BRCA2: variants seen among roughly 807,000 people sequenced by gnomAD.
BRCA2 encodes the protein BRCA2 DNA repair associated.
A neutral mutation model predicts 276.7 loss-of-function variants in BRCA2; 203 were observed. That is an observed-to-expected ratio of 0.73 (90% CI 0.65 to 0.82). The LOEUF (loss-of-function observed/expected upper bound fraction) is 0.82. BRCA2 is among the 40% of genes least tolerant of loss of function. The pLI is 0.00. For missense variants in BRCA2, 3,920 were observed against 3,915.0 expected, an observed-to-expected ratio of 1.00 and a Z score of -0.03; for synonymous variants, 1,289 against 1,338.4, an observed-to-expected ratio of 0.96 and a Z score of 0.81.
intron 20 of BRCA2, among the ~76,000 whole-genome samples, chr13:32,375,903 C>T (rs11571757): frequency 4.6e-3 from 707 of 152,210 alleles, no homozygotes; most frequent in Non-Finnish European, 8.0e-3. Context: ...TGAAATGACT[C>T]CATGATCCAT....
At position 32,326,074 on chromosome 13, in the gene BRCA2, T is replaced by G. The variant is rs1555280939; in HGVS notation, c.426-27T>G. On this transcript the variant is annotated intron_variant, in intron 4 of 26. Coordinates refer to ENST00000380152, the MANE Select transcript of BRCA2 (RefSeq NM_000059.4). Reference sequence around the variant, plus strand: ...TTTTTGCCAGTTTTTTAAAATAACCTAAGGGATTTGCTTTGTTTTATTTTA... The same window carrying G: ...TTTTTGCCAGTTTTTTAAAATAACCGAAGGGATTTGCTTTGTTTTATTTTA... The G allele has an allele frequency of 5.0e-6, 8 of 1,593,260 alleles. No individual in the cohort carries two copies. The South Asian group carries it at 7.9e-5, about 16-fold the overall frequency.
At chr13:32,321,744 T>C (rs1026841810) in intron 3 of BRCA2, among the ~76,000 whole-genome samples, 3 of 152,204 alleles carry the variant, frequency 2.0e-5, no homozygotes, top group Non-Finnish European at 4.4e-5. Context: ...AGTTCTAACA[T>C]GTAATATTTT....
At chr13:32,370,610 ATTTGTTTG>A in intron 19 of BRCA2, 53 bp downstream of exon 19, 1 of 1,569,876 alleles carries the variant, frequency 6.4e-7, no homozygotes, top group Non-Finnish European at 8.8e-7. Flanking sequence ...GATACAATTA[ATTTGTTTG>A]TTTGTTTGAG....
intron 24 of BRCA2, among the ~76,000 whole-genome samples, chr13:32,384,003 A>G (rs2072942514): frequency 6.6e-6 from 1 of 152,236 alleles, no homozygotes; most frequent in Non-Finnish European, 1.5e-5. Context: ...ATTTCCAGGA[A>G]ACATGACCAT....
At chr13:32,384,445 GA>G (rs1447436371) in intron 24 of BRCA2, among the ~76,000 whole-genome samples, 1 of 152,220 alleles carries the variant, frequency 6.6e-6, no homozygotes, top group Non-Finnish European at 1.5e-5. Context: ...TGGCATGACT[GA>G]GAGCCTGTGC....
At position 32,354,016 on chromosome 13, in the gene BRCA2, A is replaced by G. The variant is rs185137349; in HGVS notation, c.7008-845A>G. ...TGGAAATGACTCACATTAGCAAGGG[A>G]AAGTGTCTAAGGAAGACATCCAGTT... On this transcript the variant is annotated intron_variant, in intron 13 of 26. Transcript: ENST00000380152. Among the ~76,000 whole-genome samples, 397 of 152,344 alleles carry G rather than the reference A, an allele frequency of 2.6e-3. 3 individuals carry two copies. Among genetic ancestry groups the G allele is most frequent in the African/African-American group, 9.2e-3 (383 of 41,576 alleles).
Position 32,331,431 on chromosome 13 carries a change from G to T in BRCA2, c.793+401G>T, listed in dbSNP as rs74865284. On this transcript the variant is annotated intron_variant, in intron 9 of 26. Transcript: ENST00000380152. ...AAGTATTGAGAGTAGAAACTAACTT[G>T]GTGTGCCTGTGATCCCAGCTACTCA... Among the ~76,000 whole-genome samples the T allele has an allele frequency of 7.2e-3, 1,095 of 152,214 alleles. 16 individuals carry two copies. Among genetic ancestry groups the T allele is most frequent in the African/African-American group, 0.025 (1,041 of 41,546 alleles).
At chr13:32,329,527 T>C (rs753781786) in intron 8 of BRCA2, 35 bp downstream of exon 8, 1 of 1,502,518 alleles carries the variant, frequency 6.7e-7, no homozygotes, top group South Asian at 1.2e-5. Flanking sequence ...ACTGTTGAAA[T>C]TGCTAACAAT....
chr13:32,348,857 A>G (rs1207424325), intron 13 of BRCA2, among the ~76,000 whole-genome samples: 2 of 152,218 alleles, frequency 1.3e-5, no homozygotes, highest in Non-Finnish European at 2.9e-5. Flanking sequence ...AGACTTTGGA[A>G]GAGTTTGCCT....
rs2072697978 is a variant in BRCA2 at position 32,356,541 on chromosome 13, A to G, written c.7549A>G (p.Thr2517Ala). 6.2e-7 allele frequency: 1 copy of G among 1,614,074 alleles called. No homozygotes were observed. The highest frequency in any genetic ancestry group is 2.2e-5 in the East Asian group (1 of 44,874). ...CAGTCTGTATCTTGCAAAAACATCCACTCTGCCTCGAATCTCTCTGAAAGC... is the reference window on the plus strand; with the variant it reads ...CAGTCTGTATCTTGCAAAAACATCCGCTCTGCCTCGAATCTCTCTGAAAGC... ...PGSLYLAKTS[T>A]LPRISLKAAV... is the part of the protein sequence containing the mutation. The change falls in exon 15 of 27, where the codon ACT (threonine) becomes GCT (alanine). Residue 2517 changes from threonine (T) to alanine (A), a missense_variant. Thr to Ala is a moderately conservative substitution (Grantham distance 58). This residue lies in a region of BRCA2 where 3,263 missense variants were observed against 3,156.9 expected (regional missense o/e 1.03). Coordinates refer to ENST00000380152, the MANE Select transcript of BRCA2 (RefSeq NM_000059.4).
intron 3 of BRCA2, among the ~76,000 whole-genome samples, chr13:32,321,177 G>T (rs776216942): frequency 6.6e-6 from 1 of 152,194 alleles, no homozygotes; most frequent in Admixed American, 6.5e-5. Flanking sequence ...CAAAGCATAT[G>T]CAGAACACAG....
In BRCA2 at chr13:32,337,840, C is replaced by G. The variant is rs587778122; in HGVS notation, c.3485C>G (p.Ala1162Gly). Residue 1162 changes from alanine (A) to glycine (G), a missense_variant, in exon 11 of 27, where the codon GCT becomes GGT. Ala to Gly is a moderately conservative substitution (Grantham distance 60, BLOSUM62 0). Around this residue, in one of 2 missense-constraint regions of BRCA2, gnomAD observed 3,263 missense variants for 3,156.9 expected, o/e 1.03. Transcript: ENST00000380152. ...LKTTSEECRDADLHVIMNAPS... is the reference protein window; with the variant it reads ...LKTTSEECRDGDLHVIMNAPS... ...ACCACTTCTGAGGAATGCAGAGATG[C>G]TGATCTTCATGTCATAATGAATGCC... 6.2e-7 allele frequency: 1 copy of G among 1,614,050 alleles called. No homozygotes were observed. The highest frequency in any genetic ancestry group is 1.1e-5 in the South Asian group (1 of 91,082).
At chr13:32,385,503 C>T (rs932420170) in intron 24 of BRCA2, 1 of 222,474 alleles carries the variant, frequency 4.5e-6, no homozygotes, top group South Asian at 8.4e-5. Context: ...TAAAAACCTC[C>T]TTGCAGGCAA....
rs747903575 is a variant in BRCA2 at position 32,362,710 on chromosome 13, A to G, written c.7976+17A>G. ...AAAATACAGGCAAGTTTAAAGCATT[A>G]CATTACGTAATCATATACGGCAGTA... is the stretch of plus-strand genomic sequence containing the variant. On this transcript the variant is annotated intron_variant, in intron 17 of 26. Transcript: ENST00000380152. 2.5e-6 allele frequency: 4 copies of G among 1,613,506 alleles called. No individual in the cohort carries two copies. The South Asian group carries it at 4.4e-5, about 18-fold the overall frequency.
chr13:32,369,937 G>A (rs1165087278), intron 18 of BRCA2, among the ~76,000 whole-genome samples: 2 of 152,176 alleles, frequency 1.3e-5, no homozygotes, highest in African/African-American at 4.8e-5. Context: ...GTAAGTGTTC[G>A]ATGAATATTT....
At position 32,336,538 on chromosome 13, in the gene BRCA2, A is replaced by C. The variant is rs757577670; in HGVS notation, c.2183A>C (p.Asp728Ala). 6.2e-7 allele frequency: 1 copy of C among 1,614,112 alleles called. No homozygotes were observed. The highest frequency in any genetic ancestry group is 8.5e-7 in the Non-Finnish European group (1 of 1,180,006). Reference protein sequence around the residue: ...ENDPKSKKVSDIKEEVLAAAC... With the variant: ...ENDPKSKKVSAIKEEVLAAAC... ...GATCCAAAAAGCAAAAAAGTTTCAGATATAAAAGAAGAGGTCTTGGCTGCA... is the reference window on the plus strand; with the variant it reads ...GATCCAAAAAGCAAAAAAGTTTCAGCTATAAAAGAAGAGGTCTTGGCTGCA... Residue 728 changes from aspartate to alanine, a missense_variant, in exon 11 of 27, where the codon GAT becomes GCT. Asp to Ala is a moderately radical substitution (Grantham distance 126). Coordinates refer to ENST00000380152, the MANE Select transcript of BRCA2 (RefSeq NM_000059.4).
intron 19 of BRCA2, 42 bp from the exon 20 acceptor site, chr13:32,370,914 T>TA (rs1186166867): frequency 6.2e-7 from 1 of 1,612,224 alleles, no homozygotes; most frequent in Non-Finnish European, 8.5e-7. Flanking sequence ...ACTTGAATGT[T>TA]ATATATGTGA....
chr13:32,347,642 A>G (rs1450827134), intron 13 of BRCA2, among the ~76,000 whole-genome samples: 3 of 152,178 alleles, frequency 2.0e-5, no homozygotes, highest in Admixed American at 1.3e-4. Context: ...AAAATGAAAG[A>G]TCAGATACAA....
At chr13:32,331,076 G>A (rs1407491056) in intron 9 of BRCA2, 46 bp downstream of exon 9, 3 of 1,400,518 alleles carry the variant, frequency 2.1e-6, no homozygotes, top group South Asian at 1.2e-5. Flanking sequence ...TGTTGTTGTT[G>A]TTTTGATTTT....
Sources: gnomAD v4.1 joint callset for allele counts (sites outside exome capture counted in the v4.1 genomes callset) on GRCh38, gnomAD v4.1.1 for gene constraint, gnomAD v4.1.1 regional missense constraint, MANE v1.5 for transcripts, NCBI Gene and HGNC (gene_info 2026-07-23, HGNC 2026-07-21) for gene names.